Variants in AOX1 observed in about 807,000 individuals in gnomAD.
The protein encoded by AOX1 is aldehyde oxidase 1.
AOX1 carries 153 observed loss-of-function variants against 169.5 expected under a neutral mutation model. That is an observed-to-expected ratio of 0.90 (90% confidence interval 0.79 to 1.03). AOX1 has a LOEUF of 1.03. AOX1 is among the 50% of genes least tolerant of loss of function. AOX1 has a pLI of 0.00. For synonymous variants in AOX1, 562 were observed against 581.9 expected (o/e 0.97, Z 0.49); for missense variants, 1,656 against 1,663.9 (o/e 1.00, Z 0.08).
downstream of AOX1, among the ~76,000 whole-genome samples, chr2:200,675,601 G>C (rs2036083736): frequency 6.6e-6 from 1 of 152,142 alleles, no homozygotes; most frequent in South Asian, 2.1e-4. Context: ...AGAAATACTT[G>C]CTCAAATGTC....
At chr2:200,625,810 A>C (rs945107395) in intron 19 of AOX1, among the ~76,000 whole-genome samples, 1 of 152,232 alleles carries the variant, frequency 6.6e-6, no homozygotes, top group Non-Finnish European at 1.5e-5. Flanking sequence ...AGAAAAGCAC[A>C]TGAACAGATT....
intron 7 of AOX1, 126 bp downstream of exon 7, chr2:200,603,482 C>A: frequency 1.5e-6 from 1 of 651,000 alleles, no homozygotes; most frequent in South Asian, 2.0e-5. Flanking sequence ...TGCCCTCTCC[C>A]ATTCTCACTC....
intron 34 of AOX1, among the ~76,000 whole-genome samples, chr2:200,669,950 T>A (rs2035995657): frequency 6.6e-6 from 1 of 152,084 alleles, no homozygotes; most frequent in East Asian, 1.9e-4. Flanking sequence ...CTGCCCCTGC[T>A]TGGCTCCATT....
intron 15 of AOX1, among the ~76,000 whole-genome samples, chr2:200,614,525 C>G (rs1157317392): frequency 1.3e-5 from 2 of 152,144 alleles, no homozygotes; most frequent in Non-Finnish European, 2.9e-5. Flanking sequence ...TGCCTGGTCT[C>G]TCTTAGGGCA....
intron 32 of AOX1, among the ~76,000 whole-genome samples, chr2:200,668,109 TA>T (rs200295124): frequency 0.02 from 3,000 of 147,824 alleles, 100 homozygotes; most frequent in African/African-American, 0.071. Context: ...TTATTATTAT[TA>T]TTTTTTTTTT....
At chr2:200,657,190 A>ATATATATATATATATATATATATATAT in intron 27 of AOX1, among the ~76,000 whole-genome samples, 1 of 62,882 alleles carries the variant, frequency 1.6e-5, no homozygotes, top group African/African-American at 7.9e-5. Context: ...ATATATATAT[A>ATATATATATATATATATATATATATAT]TTTTTTTTTT....
intron 31 of AOX1, 45 bp from the exon 32 acceptor site, chr2:200,666,642 G>T (rs1454123750): frequency 1.4e-6 from 2 of 1,455,090 alleles, no homozygotes; most frequent in African/African-American, 2.8e-5. Context: ...TTCTCCCTAA[G>T]TTATTCTCAT....
chr2:200,669,897 G>C (rs2105779316), intron 34 of AOX1, among the ~76,000 whole-genome samples, 155 bp downstream of exon 34: 1 of 152,198 alleles, frequency 6.6e-6, no homozygotes. Context: ...TGTGCAGAGG[G>C]GTCCTTGAAC....
chr2:200,662,092 C>G (rs2035839068), intron 30 of AOX1, among the ~76,000 whole-genome samples: 1 of 152,144 alleles, frequency 6.6e-6, no homozygotes, highest in Non-Finnish European at 1.5e-5. Flanking sequence ...ACAACAGGAA[C>G]TCAGTGAATC....
intron 25 of AOX1, among the ~76,000 whole-genome samples, chr2:200,648,934 A>G (rs936218547): frequency 1.3e-5 from 2 of 152,028 alleles, no homozygotes; most frequent in African/African-American, 2.4e-5. Context: ...CTCACTCCCA[A>G]TGTGTACCCC....
chr2:200,659,294 G>GT lies in AOX1; in HGVS notation c.3300+2dup. 2 of 1,612,876 alleles carry GT rather than the reference G, an allele frequency of 1.2e-6. No individual in the cohort carries two copies. Among genetic ancestry groups the GT allele is most frequent in the African/African-American group, 2.7e-5 (2 of 74,952 alleles). ...AGATCTCAACGGTTTGGCAGTAAAG[G>GT]TAACAGTCACTGCAGTGGCGTCCAA... On this transcript the variant is annotated splice_donor_variant, in intron 28 of 34. Transcript: ENST00000374700. LOFTEE classifies it high-confidence loss of function.
chr2:200,651,976 G>A (rs937514528), intron 26 of AOX1, among the ~76,000 whole-genome samples: 1 of 152,068 alleles, frequency 6.6e-6, no homozygotes, highest in African/African-American at 2.4e-5. Context: ...CAGATAAGCT[G>A]GGAGGACCCT....
chr2:200,619,692 C>T (rs752214717), intron 16 of AOX1, among the ~76,000 whole-genome samples: 1 of 152,170 alleles, frequency 6.6e-6, no homozygotes, highest in Non-Finnish European at 1.5e-5. Flanking sequence ...GAGCCAACAG[C>T]AAGATATTCT....
chr2:200,665,818 T>A (rs2035915269), intron 31 of AOX1, among the ~76,000 whole-genome samples: 1 of 152,198 alleles, frequency 6.6e-6, no homozygotes, highest in South Asian at 2.1e-4. Flanking sequence ...GCCACTTATC[T>A]CCTGGAAGGC....
rs2035201326 is a variant in AOX1, at chr2:200,634,934, G to A, written c.2346+19G>A. ...TATACAGGTAACATGGGGCCATTGTGGAGAGGACATGGCTAAATGATTTCT... is the reference window on the plus strand; with the variant it reads ...TATACAGGTAACATGGGGCCATTGTAGAGAGGACATGGCTAAATGATTTCT... On this transcript the variant is annotated intron_variant, in intron 21 of 34. Coordinates refer to ENST00000374700, the MANE Select transcript of AOX1 (RefSeq NM_001159.4). 1 of 1,613,082 alleles carries A rather than the reference G, an allele frequency of 6.2e-7. No individual in the cohort carries two copies. The highest frequency in any genetic ancestry group is 1.7e-5 in the Admixed American group (1 of 59,854).
intron 26 of AOX1, among the ~76,000 whole-genome samples, chr2:200,653,268 C>G (rs553172978): frequency 6.6e-6 from 1 of 152,220 alleles, no homozygotes; most frequent in Admixed American, 6.5e-5. Context: ...GACCAACTTA[C>G]GTGCTGAAAA....
downstream of AOX1, chr2:200,677,181 T>A: frequency 3.4e-6 from 1 of 290,806 alleles, no homozygotes; most frequent in South Asian, 2.9e-5. Context: ...AATCTGTATC[T>A]GTAGTCCTTA....
At chr2:200,668,589 A>G in intron 32 of AOX1, 26 bp from the exon 33 acceptor site, 1 of 1,578,982 alleles carries the variant, frequency 6.3e-7, no homozygotes, top group South Asian at 1.2e-5. Flanking sequence ...TCATACGTGG[A>G]AATTCTTTTT....
At chr2:200,613,221 G>C (rs2034683299) in intron 14 of AOX1, among the ~76,000 whole-genome samples, 1 of 152,084 alleles carries the variant, frequency 6.6e-6, no homozygotes, top group Non-Finnish European at 1.5e-5. Flanking sequence ...AATATTTCTT[G>C]AGCATTACTT....
Sources: allele counts gnomAD v4.1 joint callset (sites outside exome capture counted in the v4.1 genomes callset), GRCh38; gene constraint gnomAD v4.1.1; transcripts MANE v1.5; gene names NCBI Gene and HGNC (gene_info 2026-07-23, HGNC 2026-07-21).